Variants in KCNH5 observed in about 807,000 individuals in gnomAD.
The protein encoded by KCNH5 is potassium voltage-gated channel subfamily H member 5, also known as voltage-gated delayed rectifier potassium channel KCNH5.
In KCNH5, 46 loss-of-function variants were observed where a neutral mutation model predicts 96.1. The ratio of observed to expected loss-of-function variants is 0.48; its 90% CI spans 0.38 to 0.61. The LOEUF is 0.61. Ranked by LOEUF, KCNH5 falls within the 20% of genes least tolerant of loss-of-function variation. The probability of loss-of-function intolerance (pLI) is 0.00; values close to 1 mark genes in which losing one functional copy is unlikely to be tolerated. For missense variants in KCNH5, 907 were observed against 1,225.8 expected (o/e 0.74, Z 3.88); for synonymous variants, 439 against 449.8 (o/e 0.98, Z 0.30).
intron 4 of KCNH5, among the ~76,000 whole-genome samples, chr14:63,000,114 T>C (rs1458722087): frequency 6.6e-6 from 1 of 152,174 alleles, no homozygotes; most frequent in Non-Finnish European, 1.5e-5. Flanking sequence ...AACCAGAAAC[T>C]GAGCAGATAC....
intron 10 of KCNH5, among the ~76,000 whole-genome samples, chr14:62,709,130 G>C (rs1884511369): frequency 6.6e-6 from 1 of 150,516 alleles, no homozygotes. Flanking sequence ...CTACTCGGGA[G>C]GCTGAGGCAG....
chr14:62,938,720 T>C (rs1294630096), intron 7 of KCNH5, among the ~76,000 whole-genome samples: 2 of 152,152 alleles, frequency 1.3e-5, no homozygotes, highest in Admixed American at 6.5e-5. Flanking sequence ...TGACAGTGTG[T>C]CCTGAAAAAT....
chr14:62,716,580 C>T (rs1239185089), intron 10 of KCNH5, among the ~76,000 whole-genome samples: 1 of 152,156 alleles, frequency 6.6e-6, no homozygotes, highest in Non-Finnish European at 1.5e-5. Flanking sequence ...CTGGAGAACT[C>T]CTACTTGTCC....
chr14:62,906,935 A>T (rs1889040371), intron 7 of KCNH5, among the ~76,000 whole-genome samples: 6 of 152,194 alleles, frequency 3.9e-5, no homozygotes, highest in Admixed American at 3.9e-4. Context: ...CAAAATAAAA[A>T]ATGTATCCTG....
At chr14:62,749,393 TA>T (rs1885447743) in intron 10 of KCNH5, among the ~76,000 whole-genome samples, 1 of 152,218 alleles carries the variant, frequency 6.6e-6, no homozygotes, top group African/African-American at 2.4e-5. Flanking sequence ...CCCAGAAGTT[TA>T]ATGGCAATTG....
chr14:62,978,990 T>A (rs1358517177), intron 6 of KCNH5, among the ~76,000 whole-genome samples: 1 of 152,206 alleles, frequency 6.6e-6, no homozygotes, highest in Non-Finnish European at 1.5e-5. Flanking sequence ...CCATATTGTA[T>A]AATAGATTTC....
intron 7 of KCNH5, chr14:62,949,695 T>C (rs1889961697): frequency 5.9e-6 from 1 of 168,752 alleles, no homozygotes; most frequent in Non-Finnish European, 1.3e-5. Flanking sequence ...CTAGTCTTAA[T>C]TGTAAAAACC....
At chr14:62,761,689 T>C (rs1885754394) in intron 10 of KCNH5, among the ~76,000 whole-genome samples, 1 of 152,034 alleles carries the variant, frequency 6.6e-6, no homozygotes, top group Admixed American at 6.6e-5. Context: ...TATATTCAAC[T>C]GCAGAGAAAA....
In KCNH5 at chr14:62,703,439, A is replaced by AT. The variant is rs1419151529; in HGVS notation, c.*4068dup. On this transcript the variant is annotated 3_prime_UTR_variant, in exon 11 of 11. Transcript: ENST00000322893. ...GTGATTTTCACCTGCAAGAAAGATAATTTTTTCATTGACCAATAGCATGTT... is the reference window on the plus strand; with the variant it reads ...GTGATTTTCACCTGCAAGAAAGATAATTTTTTTCATTGACCAATAGCATGTT... 7 of 151,988 alleles carry AT rather than the reference A, an allele frequency of 4.6e-5. No homozygotes were observed. Among genetic ancestry groups the AT allele is most frequent in the African/African-American group, 1.7e-4 (7 of 41,540 alleles). The allele number at this position is 151,988 out of a possible 1,614,324, so 9.4% of individuals were successfully genotyped here.
intron 8 of KCNH5, among the ~76,000 whole-genome samples, chr14:62,813,903 C>A (rs1357702934): frequency 1.3e-5 from 2 of 152,110 alleles, no homozygotes; most frequent in Non-Finnish European, 2.9e-5. Context: ...AAAAGTATAA[C>A]CAGGCAGTCA....
intron 8 of KCNH5, among the ~76,000 whole-genome samples, chr14:62,829,379 A>C (rs902060417): frequency 2.0e-5 from 3 of 152,056 alleles, no homozygotes; most frequent in African/African-American, 7.2e-5. Context: ...GGTTCTCCCT[A>C]AGGGCTCCAC....
At chr14:62,923,237 T>A (rs1481815563) in intron 7 of KCNH5, among the ~76,000 whole-genome samples, 3 of 151,780 alleles carry the variant, frequency 2.0e-5, no homozygotes, top group Non-Finnish European at 4.4e-5. Flanking sequence ...TCAAGGAGAA[T>A]AAAATACTTA....
chr14:63,002,134 TC>T (rs1275770871), intron 3 of KCNH5, among the ~76,000 whole-genome samples: 1 of 152,032 alleles, frequency 6.6e-6, no homozygotes, highest in Non-Finnish European at 1.5e-5. Flanking sequence ...GCTTTTGAGA[TC>T]CCCAGGCATC....
chr14:62,936,007 C>G (rs1470282092), intron 7 of KCNH5, among the ~76,000 whole-genome samples: 1 of 151,980 alleles, frequency 6.6e-6, no homozygotes, highest in East Asian at 1.9e-4. Context: ...TCCAGCAAAA[C>G]AAACAGAGAA....
intron 7 of KCNH5, among the ~76,000 whole-genome samples, chr14:62,940,605 C>A (rs1258757769): frequency 6.6e-6 from 1 of 152,294 alleles, no homozygotes; most frequent in East Asian, 1.9e-4. Context: ...TCCACTCAAG[C>A]CAAAGTGAAA....
chr14:62,865,961 G>A (rs1306276469), intron 7 of KCNH5, among the ~76,000 whole-genome samples: 14 of 152,098 alleles, frequency 9.2e-5, no homozygotes, highest in Admixed American at 8.5e-4. Flanking sequence ...ATCATCAATT[G>A]ATTATCATAT....
intron 7 of KCNH5, among the ~76,000 whole-genome samples, chr14:62,929,009 G>C (rs926786230): frequency 6.6e-6 from 1 of 151,976 alleles, no homozygotes; most frequent in South Asian, 2.1e-4. Context: ...ATTTGTCTAT[G>C]GGACTGCCTA....
intron 6 of KCNH5, among the ~76,000 whole-genome samples, chr14:62,980,099 G>A (rs368854096): frequency 3.9e-5 from 6 of 152,194 alleles, no homozygotes; most frequent in Admixed American, 2.0e-4. Flanking sequence ...CTCTCCTGCC[G>A]CCATGTGAAG....
intron 7 of KCNH5, among the ~76,000 whole-genome samples, chr14:62,882,453 C>A (rs911797997): frequency 6.6e-5 from 10 of 152,256 alleles, no homozygotes; most frequent in African/African-American, 2.2e-4. Flanking sequence ...GTCTCACAAG[C>A]AATGTGCTAT....
Sources: gnomAD v4.1 joint callset for allele counts (sites outside exome capture counted in the v4.1 genomes callset) on GRCh38, gnomAD v4.1.1 for gene constraint, MANE v1.5 for transcripts, NCBI Gene and HGNC (gene_info 2026-07-23, HGNC 2026-07-21) for gene names.